PDE4D: variants seen among roughly 807,000 people sequenced by gnomAD.
PDE4D encodes 3',5'-cyclic-AMP phosphodiesterase 4D.
A neutral mutation model predicts 87.4 loss-of-function variants in PDE4D; 24 were observed. The ratio of observed to expected loss-of-function variants is 0.27; its 90% CI spans 0.20 to 0.39. PDE4D has a LOEUF of 0.39. Ranked by LOEUF, PDE4D falls within the 10% of genes least tolerant of loss-of-function variation. The pLI, the probability that PDE4D is intolerant of heterozygous loss-of-function variation, is 1.00. For synonymous variants in PDE4D, 384 were observed against 383.2 expected (o/e 1.00, Z -0.02); for missense variants, 714 against 1,041.0 (o/e 0.69, Z 4.32).
intron 1 of PDE4D, among the ~76,000 whole-genome samples, chr5:59,691,269 A>G (rs1188316410): frequency 6.6e-6 from 1 of 152,214 alleles, no homozygotes; most frequent in Non-Finnish European, 1.5e-5. Flanking sequence ...ACACATGCAC[A>G]TGTATGTTTA....
intron 1 of PDE4D, among the ~76,000 whole-genome samples, chr5:59,888,511 T>G (rs1004638456): frequency 6.6e-6 from 1 of 152,258 alleles, no homozygotes; most frequent in Non-Finnish European, 1.5e-5. Context: ...ACTGTGTTAC[T>G]GTGTTGACAA....
chr5:59,348,661 C>T (rs244577), intron 1 of PDE4D, among the ~76,000 whole-genome samples: 42,577 of 134,910 alleles, frequency 0.32, 7,065 homozygotes, highest in East Asian at 0.4. Flanking sequence ...ACATACTTGT[C>T]CCCTTTGAAC....
At chr5:59,211,494 A>C (rs1015228147) in intron 2 of PDE4D, among the ~76,000 whole-genome samples, 1 of 152,110 alleles carries the variant, frequency 6.6e-6, no homozygotes, top group African/African-American at 2.4e-5. Context: ...TTGGTCAACA[A>C]TTACTTCTGT....
chr5:59,200,177 GTA>G (rs199842778), intron 2 of PDE4D, among the ~76,000 whole-genome samples: 1 of 58,340 alleles, frequency 1.7e-5, no homozygotes, highest in Admixed American at 1.9e-4. Context: ...ACACGTGTAT[GTA>G]TATATGTATA....
chr5:59,299,931 G>A (rs1005326864), intron 1 of PDE4D, among the ~76,000 whole-genome samples: 6 of 152,126 alleles, frequency 3.9e-5, no homozygotes, highest in Admixed American at 2.0e-4. Flanking sequence ...CCAACATGGC[G>A]AAACCCTGTC....
At chr5:60,255,268 TA>T (rs923012167) in intron 1 of PDE4D, among the ~76,000 whole-genome samples, 1 of 151,906 alleles carries the variant, frequency 6.6e-6, no homozygotes, top group Non-Finnish European at 1.5e-5. Context: ...GGAGACTACC[TA>T]TGATCCCTTT....
At chr5:59,540,733 T>C (rs772388387) in intron 1 of PDE4D, among the ~76,000 whole-genome samples, 8 of 152,168 alleles carry the variant, frequency 5.3e-5, no homozygotes, top group Non-Finnish European at 1.0e-4. Context: ...CCATTTATAG[T>C]CTTAACTTAT....
chr5:60,314,228 AC>A (rs1650807473), intron 1 of PDE4D, among the ~76,000 whole-genome samples: 1 of 151,094 alleles, frequency 6.6e-6, no homozygotes, highest in Admixed American at 6.6e-5. Context: ...ATGCAGTTGC[AC>A]GATCTCAGCT....
chr5:59,084,346 TA>T (rs1378961557), intron 5 of PDE4D, among the ~76,000 whole-genome samples: 1 of 151,886 alleles, frequency 6.6e-6, no homozygotes, highest in Non-Finnish European at 1.5e-5. Context: ...ATATATGATG[TA>T]AAATGATTAA....
At chr5:59,339,505 C>G (rs1282270476) in intron 1 of PDE4D, among the ~76,000 whole-genome samples, 1 of 152,164 alleles carries the variant, frequency 6.6e-6, no homozygotes, top group Non-Finnish European at 1.5e-5. Flanking sequence ...AAAAGTTAAA[C>G]AGTTTTTTAG....
At chr5:59,604,172 C>T (rs114801715) in intron 1 of PDE4D, among the ~76,000 whole-genome samples, 316 of 148,796 alleles carry the variant, frequency 2.1e-3, no homozygotes, top group African/African-American at 7.0e-3. Flanking sequence ...TTAGTATCAT[C>T]GGACAGACCT....
At chr5:60,207,665 A>G (rs1454330533) in intron 1 of PDE4D, among the ~76,000 whole-genome samples, 1 of 152,252 alleles carries the variant, frequency 6.6e-6, no homozygotes, top group African/African-American at 2.4e-5. Context: ...GAGATATAGT[A>G]AACATTCTCT....
chr5:59,516,106 G>A (rs1811110739), intron 1 of PDE4D, among the ~76,000 whole-genome samples: 1 of 152,060 alleles, frequency 6.6e-6, no homozygotes, highest in Non-Finnish European at 1.5e-5. Flanking sequence ...TATATCATCT[G>A]GGACATTACT....
intron 1 of PDE4D, among the ~76,000 whole-genome samples, chr5:60,455,197 A>G (rs766464760): frequency 6.6e-6 from 1 of 152,192 alleles, no homozygotes; most frequent in Non-Finnish European, 1.5e-5. Context: ...AAAAAGCAAA[A>G]TACTTGGATA....
intron 5 of PDE4D, among the ~76,000 whole-genome samples, chr5:59,059,037 T>C (rs1762755049): frequency 6.6e-6 from 1 of 152,184 alleles, no homozygotes. Flanking sequence ...TAAAATGTGC[T>C]GGACAAGGTA....
chr5:59,757,244 G>A (rs1420042935), intron 1 of PDE4D, among the ~76,000 whole-genome samples: 1 of 152,130 alleles, frequency 6.6e-6, no homozygotes, highest in Non-Finnish European at 1.5e-5. Context: ...ACCCAATGAA[G>A]GTAGGTAGTT....
intron 1 of PDE4D, among the ~76,000 whole-genome samples, chr5:59,735,088 A>T (rs182853115): frequency 6.6e-6 from 1 of 152,298 alleles, no homozygotes; most frequent in East Asian, 1.9e-4. Context: ...TTTTAAAGTG[A>T]TACACTTCAG....
At chr5:59,093,773 C>T (rs1016497579) in intron 5 of PDE4D, among the ~76,000 whole-genome samples, 11 of 152,124 alleles carry the variant, frequency 7.2e-5, no homozygotes, top group Non-Finnish European at 8.8e-5. Context: ...TAAGGAAACT[C>T]TCCATAATGA....
intron 1 of PDE4D, among the ~76,000 whole-genome samples, chr5:59,548,964 G>A (rs1478820934): frequency 6.6e-6 from 1 of 152,094 alleles, no homozygotes; most frequent in Non-Finnish European, 1.5e-5. Context: ...GTGGCTGTAG[G>A]TTCCACGAAT....
Sources: gnomAD v4.1 joint callset for allele counts (sites outside exome capture counted in the v4.1 genomes callset) on GRCh38, gnomAD v4.1.1 for gene constraint, MANE v1.5 for transcripts, NCBI Gene and HGNC (gene_info 2026-07-23, HGNC 2026-07-21) for gene names.